Variants in CEP78 observed in about 807,000 individuals in gnomAD.
CEP78 encodes centrosomal protein of 78 kDa.
CEP78 carries 76 observed loss-of-function variants against 81.2 expected under a neutral mutation model. The ratio of observed to expected loss-of-function variants is 0.94; its 90% CI spans 0.78 to 1.13. The LOEUF is 1.13. Among genes scored for constraint, CEP78 ranks in the 50% most tolerant of loss-of-function variants. The pLI, the probability that CEP78 is intolerant of heterozygous loss-of-function variation, is 0.00. For missense variants in CEP78, 918 were observed against 846.8 expected (o/e 1.08, Z -1.04); for synonymous variants, 293 against 301.4 (o/e 0.97, Z 0.29).
chr9:78,276,483 G>A lies in CEP78; in HGVS notation c.*5632G>A, dbSNP rs1827806436. The A allele has an allele frequency of 6.6e-6, 1 of 151,078 alleles. No individual in the cohort carries two copies. The highest frequency in any genetic ancestry group is 2.1e-4 in the South Asian group (1 of 4,812). The allele number at this position is 151,078 out of a possible 1,614,324, so 9.4% of individuals were successfully genotyped here. ...TTTTGGGAAATGAGACAAGGCTCTC[G>A]TTATTTGTAAATATGGGGTCTTTTT... On this transcript the variant is annotated 3_prime_UTR_variant, in exon 17 of 17. Transcript: ENST00000643273.
At chr9:78,240,423 T>A in intron 3 of CEP78, 59 bp downstream of exon 3, 2 of 1,361,360 alleles carry the variant, frequency 1.5e-6, no homozygotes, top group Non-Finnish European at 2.1e-6. Flanking sequence ...TTTCCCTACA[T>A]GCCATGTTAA....
At chr9:78,239,251 G>T (rs1172412710) in intron 1 of CEP78, among the ~76,000 whole-genome samples, 1 of 152,164 alleles carries the variant, frequency 6.6e-6, no homozygotes, top group African/African-American at 2.4e-5. Flanking sequence ...GACTATTGCA[G>T]ACGCTCCTAG....
At chr9:78,260,754 G>A (rs1379528107) in intron 11 of CEP78, among the ~76,000 whole-genome samples, 1 of 151,000 alleles carries the variant, frequency 6.6e-6, no homozygotes, top group Non-Finnish European at 1.5e-5. Flanking sequence ...CTGATTCAGT[G>A]TTAAATGGAA....
Position 78,276,923 on chromosome 9 carries a change from A to G in CEP78, c.*6072A>G, listed in dbSNP as rs1827816077. The stretch of plus-strand genomic sequence containing the variant: ...TGATTATAACATTAATCTGAAAGTC[A>G]TCAGGCATAAAGCAATTTTGATTAC... On this transcript the variant is annotated 3_prime_UTR_variant, in exon 17 of 17. Transcript: ENST00000643273. 1 of 152,208 alleles carries G rather than the reference A, an allele frequency of 6.6e-6. No homozygotes were observed. The highest frequency in any genetic ancestry group is 2.4e-5 in the African/African-American group (1 of 41,472). 9.4% of individuals were successfully genotyped at this position (152,208 alleles called of 1,614,324 possible).
rs1213432817 is a variant in CEP78 at position 78,266,676 on chromosome 9, T to A, written c.2080T>A (p.Ser694Thr). 6.2e-7 allele frequency: 1 copy of A among 1,612,232 alleles called. No homozygotes were observed. Among genetic ancestry groups the A allele is most frequent in the Non-Finnish European group, 8.5e-7 (1 of 1,179,100 alleles). ...KEEELSRNSRSSSEKKTKTES... is the reference protein window; with the variant it reads ...KEEELSRNSRTSSEKKTKTES... ...AGAGGAGTTGTCCAGAAATAGCAGA[T>A]CTTCTTCAGAGAAAAAGACCAAAAC... Residue 694 changes from serine to threonine, a missense_variant, in exon 16 of 17, where the codon TCT (serine) becomes ACT (threonine). Coordinates refer to ENST00000643273, the MANE Select transcript of CEP78 (RefSeq NM_001330691.3).
At chr9:78,265,989 G>A in intron 15 of CEP78, 83 bp downstream of exon 15, 1 of 705,690 alleles carries the variant, frequency 1.4e-6, no homozygotes, top group Admixed American at 2.1e-5. Flanking sequence ...ATCTAGTTAT[G>A]GGAATGGGAG....
Position 78,251,988 on chromosome 9 carries a change from C to G in CEP78, c.1150C>G (p.Pro384Ala), listed in dbSNP as rs771828935. Residue 384 changes from proline to alanine, a missense_variant, in exon 9 of 17, where the codon CCT (proline) becomes GCT (alanine). Transcript: ENST00000643273. Reference protein sequence around the residue: ...KEYYAPAPLPPGVSGFLPWRT... With the variant: ...KEYYAPAPLPAGVSGFLPWRT... ...ATATTATGCGCCCGCACCTCTTCCACCTGGTGTGTCTGGTTTCTTGCCGTG... is the reference window on the plus strand; with the variant it reads ...ATATTATGCGCCCGCACCTCTTCCAGCTGGTGTGTCTGGTTTCTTGCCGTG... The G allele has an allele frequency of 6.2e-7, 1 of 1,606,894 alleles. No individual in the cohort carries two copies.
chr9:78,265,780 A>G (rs1031021357), intron 14 of CEP78, 79 bp from the exon 15 acceptor site: 17 of 812,210 alleles, frequency 2.1e-5, no homozygotes, highest in Non-Finnish European at 3.3e-5. Context: ...GACTATCCTC[A>G]GTGAAGAAAT....
intron 3 of CEP78, 102 bp downstream of exon 3, chr9:78,240,466 T>TC: frequency 1.0e-6 from 1 of 967,804 alleles, no homozygotes. Flanking sequence ...TACTACTGCC[T>TC]CATATGCTTG....
At chr9:78,248,601 T>A (rs1826609014) in intron 7 of CEP78, among the ~76,000 whole-genome samples, 161 bp from the exon 8 acceptor site, 1 of 152,224 alleles carries the variant, frequency 6.6e-6, no homozygotes. Flanking sequence ...CAAATGTCTT[T>A]TCTGTTTTTG....
At chr9:78,260,539 C>T (rs1405645232) in intron 11 of CEP78, among the ~76,000 whole-genome samples, 1 of 151,890 alleles carries the variant, frequency 6.6e-6, no homozygotes, top group African/African-American at 2.4e-5. Context: ...AACCCTGTCT[C>T]TACTAAAAAT....
intron 12 of CEP78, among the ~76,000 whole-genome samples, chr9:78,263,892 G>A (rs1827390448): frequency 6.6e-6 from 1 of 151,974 alleles, no homozygotes; most frequent in Non-Finnish European, 1.5e-5. Flanking sequence ...AATGATCCAG[G>A]TATGTATTTA....
intron 6 of CEP78, among the ~76,000 whole-genome samples, chr9:78,247,928 C>T (rs1475288157): frequency 6.6e-6 from 1 of 152,106 alleles, no homozygotes; most frequent in Non-Finnish European, 1.5e-5. Context: ...GCTTTGGGGG[C>T]GCATCATGAC....
intron 16 of CEP78, 70 bp downstream of exon 16, chr9:78,266,773 C>T (rs1456039497): frequency 6.4e-7 from 1 of 1,562,266 alleles, no homozygotes; most frequent in Non-Finnish European, 8.6e-7. Flanking sequence ...TCTGACTGTC[C>T]TGAAAACCAG....
At chr9:78,256,030 A>G (rs1827005558) in intron 11 of CEP78, among the ~76,000 whole-genome samples, 1 of 152,248 alleles carries the variant, frequency 6.6e-6, no homozygotes, top group South Asian at 2.1e-4. Context: ...ATAAAACGAT[A>G]TTATCAAAAT....
intron 10 of CEP78, among the ~76,000 whole-genome samples, chr9:78,254,115 CTT>C (rs1433114403): frequency 6.6e-6 from 1 of 152,114 alleles, no homozygotes. Flanking sequence ...GGCATTGAAA[CTT>C]GACAGGAGAA....
chr9:78,240,088 C>T lies in CEP78; in HGVS notation c.319C>T (p.Gln107Ter), dbSNP rs747318619. Residue 107 changes from glutamine (Q) to a stop codon, truncating the protein, a stop_gained, in exon 2 of 17, where the codon CAG (glutamine) becomes TAG (stop). Coordinates refer to ENST00000643273, the MANE Select transcript of CEP78 (RefSeq NM_001330691.3). LOFTEE classifies it high-confidence loss of function. The stretch of plus-strand genomic sequence containing the variant: ...GATAAGATACAAAGATGTGACCTTC[C>T]AGTTGTGTAAAGCTCTTAAAGGCTG... ...PAIRYKDVTF[Q>*]LCKALKGCLS... is the part of the protein sequence containing the mutation. 2 of 1,585,770 alleles carry T rather than the reference C, an allele frequency of 1.3e-6. No homozygotes were observed. Among genetic ancestry groups the T allele is most frequent in the East Asian group, 4.5e-5 (2 of 44,784 alleles).
At chr9:78,265,802 G>A in intron 14 of CEP78, 57 bp from the exon 15 acceptor site, 2 of 911,182 alleles carry the variant, frequency 2.2e-6, no homozygotes, top group Non-Finnish European at 1.8e-6. Context: ...AAAGATTAGA[G>A]AAATGATTTT....
Position 78,243,509 on chromosome 9 carries a change from C to G in CEP78, c.651C>G (p.Arg217=). 1 of 1,613,780 alleles carries G rather than the reference C, an allele frequency of 6.2e-7. No homozygotes were observed. Among genetic ancestry groups the G allele is most frequent in the South Asian group, 1.1e-5 (1 of 91,072 alleles). ...AAGAAACCTGGGCTGAGAGTCTTCG[C>G]TATAGGAGACCTGATCTTGACTGTA... ...RHEETWAESL[R]YRRPDLDCMA... Residue 217 remains arginine (R), a synonymous_variant, in exon 5 of 17, where the codon CGC becomes CGG. Coordinates refer to ENST00000643273, the MANE Select transcript of CEP78 (RefSeq NM_001330691.3).
Sources: gnomAD v4.1 joint callset for allele counts (sites outside exome capture counted in the v4.1 genomes callset) on GRCh38, gnomAD v4.1.1 for gene constraint, MANE v1.5 for transcripts, NCBI Gene and HGNC (gene_info 2026-07-23, HGNC 2026-07-21) for gene names.